ERLIN1: variants seen among roughly 807,000 people sequenced by gnomAD.
ERLIN1 encodes ER lipid raft associated 1, also known as erlin-1.
ERLIN1 carries 24 observed loss-of-function variants against 46.9 expected under a neutral mutation model. The observed-to-expected ratio is 0.51, with a 90% confidence interval of 0.37 to 0.72. The LOEUF (loss-of-function observed/expected upper bound fraction) is 0.72. ERLIN1 is among the 30% of genes least tolerant of loss of function. The pLI is 0.00. For synonymous variants in ERLIN1, 158 were observed against 143.2 expected (o/e 1.10, Z -0.74); for missense variants, 293 against 417.9 (o/e 0.70, Z 2.61).
At chr10:100,160,574 T>G (rs1216700332) in intron 8 of ERLIN1, among the ~76,000 whole-genome samples, 1 of 152,232 alleles carries the variant, frequency 6.6e-6, no homozygotes, top group Non-Finnish European at 1.5e-5. Flanking sequence ...AGTGGATTGT[T>G]TGTCCCAGAA....
chr10:100,162,668 A>G (rs1417901138), intron 8 of ERLIN1, among the ~76,000 whole-genome samples: 1 of 152,236 alleles, frequency 6.6e-6, no homozygotes, highest in Non-Finnish European at 1.5e-5. Flanking sequence ...TAACAAAAAC[A>G]AATTACAGTA....
At chr10:100,160,242 A>AT (rs1352011609) in intron 8 of ERLIN1, among the ~76,000 whole-genome samples, 1 of 152,192 alleles carries the variant, frequency 6.6e-6, no homozygotes, top group Non-Finnish European at 1.5e-5. Context: ...AAATCAATAG[A>AT]TTAACTGTTA....
chr10:100,179,353 A>C, intron 2 of ERLIN1, 106 bp from the exon 3 acceptor site: 2 of 666,006 alleles, frequency 3.0e-6, no homozygotes, highest in Non-Finnish European at 5.3e-6. Context: ...AGTACAGCAG[A>C]GATCCATCAC....
intron 6 of ERLIN1, among the ~76,000 whole-genome samples, chr10:100,169,189 GGA>G (rs1372751881): frequency 6.6e-6 from 1 of 152,096 alleles, no homozygotes; most frequent in South Asian, 2.1e-4. Flanking sequence ...CTCCCTCACA[GGA>G]GAGAGAGCTA....
At chr10:100,180,895 T>A (rs1489120296) in intron 2 of ERLIN1, among the ~76,000 whole-genome samples, 1 of 152,102 alleles carries the variant, frequency 6.6e-6, no homozygotes, top group Non-Finnish European at 1.5e-5. Flanking sequence ...ATTAATTCAG[T>A]AAAGGCCATG....
chr10:100,174,103 AC>A, intron 6 of ERLIN1, 104 bp downstream of exon 6: 1 of 718,150 alleles, frequency 1.4e-6, no homozygotes, highest in African/African-American at 1.8e-5. Context: ...TCTATAAATC[AC>A]CATAGCATCT....
chr10:100,167,488 A>G (rs1373424645), intron 6 of ERLIN1, 82 bp from the exon 7 acceptor site: 6 of 1,093,406 alleles, frequency 5.5e-6, no homozygotes, highest in Non-Finnish European at 8.2e-6. Context: ...AGCCCCTCAA[A>G]TGATACTAAT....
intron 2 of ERLIN1, 72 bp downstream of exon 2, chr10:100,183,684 C>T: frequency 1.0e-6 from 1 of 964,500 alleles, no homozygotes; most frequent in East Asian, 2.5e-5. Context: ...AAATCTATCT[C>T]CACCCACAAG....
intron 4 of ERLIN1, among the ~76,000 whole-genome samples, chr10:100,176,383 G>T (rs966388902): frequency 1.3e-5 from 2 of 152,162 alleles, no homozygotes; most frequent in Admixed American, 1.3e-4. Context: ...TCAAGCAAGG[G>T]CATGACAGTC....
At chr10:100,172,574 G>T (rs1431531890) in intron 6 of ERLIN1, among the ~76,000 whole-genome samples, 1 of 152,160 alleles carries the variant, frequency 6.6e-6, no homozygotes, top group Non-Finnish European at 1.5e-5. Context: ...TGTATCAAAA[G>T]ATGTTCAACC....
At chr10:100,172,436 T>C (rs1589541644) in intron 6 of ERLIN1, among the ~76,000 whole-genome samples, 2 of 152,156 alleles carry the variant, frequency 1.3e-5, no homozygotes, top group African/African-American at 4.8e-5. Flanking sequence ...ACAACATAAA[T>C]AACGTGTGTG....
chr10:100,157,225 A>G (rs1236945469), intron 8 of ERLIN1, among the ~76,000 whole-genome samples: 1 of 152,230 alleles, frequency 6.6e-6, no homozygotes, highest in East Asian at 1.9e-4. Context: ...TAGGGAAATG[A>G]CAGGATGAAA....
intron 4 of ERLIN1, 37 bp downstream of exon 4, chr10:100,178,096 T>G: frequency 7.5e-7 from 1 of 1,333,652 alleles, no homozygotes; most frequent in East Asian, 2.4e-5. Context: ...ATCCTCTGGC[T>G]ATAACTATAA....
chr10:100,183,772 G>C lies in ERLIN1; in HGVS notation c.179C>G (p.Thr60Arg). ...ATCACTCACCTGCACAGATCTGAACGTAGTAATGAAAGGCAACATGATATG... is the reference window on the plus strand; with the variant it reads ...ATCACTCACCTGCACAGATCTGAACCTAGTAATGAAAGGCAACATGATATG... ...GYHIMLPFIT[T>R]FRSVQTTLQT... The change falls in exon 2 of 11, where the codon ACG (threonine) becomes AGG (arginine). Residue 60 changes from threonine to arginine, a missense_variant. Thr to Arg is a moderately conservative substitution (Grantham distance 71). Coordinates refer to ENST00000421367, the MANE Select transcript of ERLIN1 (RefSeq NM_006459.4). The C allele has an allele frequency of 6.2e-7, 1 of 1,612,426 alleles. No individual in the cohort carries two copies. Among genetic ancestry groups the C allele is most frequent in the South Asian group, 1.1e-5 (1 of 91,032 alleles).
rs4919430 is a variant in ERLIN1 at position 100,178,957 on chromosome 10, A to G, written c.242+244T>C. ...ATAAAGCAGATGCAGCAGTGCTAAT[A>G]CACAGTTAGGTCTACTTGCTCTAAA... is the stretch of plus-strand genomic sequence containing the variant. On this transcript the variant is annotated intron_variant, in intron 3 of 10. Coordinates refer to ENST00000421367, the MANE Select transcript of ERLIN1 (RefSeq NM_006459.4). Among the ~76,000 whole-genome samples the G allele has an allele frequency of 0.072, 10,955 of 152,310 alleles. 688 individuals are homozygous for G. The highest frequency in any genetic ancestry group is 0.16 in the African/African-American group (6,708 of 41,556).
chr10:100,164,526 C>T (rs1319489865), intron 7 of ERLIN1, among the ~76,000 whole-genome samples: 3 of 152,188 alleles, frequency 2.0e-5, no homozygotes, highest in Admixed American at 6.5e-5. Context: ...TGGGTTTCAG[C>T]CCCTGCCCTC....
rs373511576 is a variant in ERLIN1 at position 100,152,080 on chromosome 10, C to T, written c.*51G>A. The T allele has an allele frequency of 8.7e-7, 1 of 1,152,260 alleles. No homozygotes were observed. The highest frequency in any genetic ancestry group is 1.3e-6 in the Non-Finnish European group (1 of 761,784). The allele number at this position is 1,152,260 out of a possible 1,614,324, so 71.4% of individuals were successfully genotyped here. On this transcript the variant is annotated 3_prime_UTR_variant, in exon 11 of 11. Coordinates refer to ENST00000421367, the MANE Select transcript of ERLIN1 (RefSeq NM_006459.4). ...AGAGTCCGTATAATGATTGTTCCCACTTAACCCCTTGGGCCACATCTTGAT... is the reference window on the plus strand; with the variant it reads ...AGAGTCCGTATAATGATTGTTCCCATTTAACCCCTTGGGCCACATCTTGAT...
At chr10:100,183,407 A>G (rs1225864541) in intron 2 of ERLIN1, among the ~76,000 whole-genome samples, 2 of 152,214 alleles carry the variant, frequency 1.3e-5, no homozygotes, top group East Asian at 3.8e-4. Context: ...TGGAAACTAA[A>G]CACTGTTCTA....
chr10:100,182,677 A>AC (rs1293702906), intron 2 of ERLIN1, among the ~76,000 whole-genome samples: 1 of 152,228 alleles, frequency 6.6e-6, no homozygotes, highest in African/African-American at 2.4e-5. Flanking sequence ...ATGCAAGACA[A>AC]CAATATTAAA....
Sources: allele counts gnomAD v4.1 joint callset (sites outside exome capture counted in the v4.1 genomes callset), GRCh38; gene constraint gnomAD v4.1.1; transcripts MANE v1.5; gene names NCBI Gene and HGNC (gene_info 2026-07-23, HGNC 2026-07-21).